The following PEX5L variants were observed in gnomAD, a reference collection of about 807,000 sequenced individuals.
The protein encoded by PEX5L is PEX5-related protein.
PEX5L carries 30 observed loss-of-function variants against 84.0 expected under a neutral mutation model. The observed-to-expected ratio is 0.36, with a 90% confidence interval of 0.27 to 0.48. The LOEUF is 0.48. Among genes scored for constraint, PEX5L ranks in the 20% least tolerant of loss-of-function variants. The pLI is 0.99. For synonymous variants in PEX5L, 270 were observed against 283.1 expected (o/e 0.95, Z 0.46); for missense variants, 533 against 754.6 (o/e 0.71, Z 3.44).
chr3:179,821,371 C>G (rs1049093940), intron 8 of PEX5L, among the ~76,000 whole-genome samples: 6 of 152,222 alleles, frequency 3.9e-5, no homozygotes, highest in Non-Finnish European at 8.8e-5. Context: ...TACCATCACA[C>G]TGACTTGAGG....
chr3:180,009,765 T>C (rs2110461461), intron 1 of PEX5L, among the ~76,000 whole-genome samples: 1 of 152,156 alleles, frequency 6.6e-6, no homozygotes, highest in South Asian at 2.1e-4. Flanking sequence ...TAGTTGTTTT[T>C]TTCCTCTGTC....
intron 8 of PEX5L, among the ~76,000 whole-genome samples, chr3:179,832,323 C>T (rs561952094): frequency 6.6e-6 from 1 of 152,128 alleles, no homozygotes; most frequent in Non-Finnish European, 1.5e-5. Context: ...TGCCAACAAA[C>T]CTTCCTGCTT....
At chr3:180,021,982 T>A (rs937277479) in intron 1 of PEX5L, among the ~76,000 whole-genome samples, 5 of 152,286 alleles carry the variant, frequency 3.3e-5, no homozygotes, top group African/African-American at 1.2e-4. Context: ...ATGGGAGTAA[T>A]GCTTCCTTGA....
At chr3:180,007,819 G>A (rs1189843595) in intron 1 of PEX5L, among the ~76,000 whole-genome samples, 2 of 152,194 alleles carry the variant, frequency 1.3e-5, no homozygotes, top group Non-Finnish European at 2.9e-5. Context: ...TGGGACACAG[G>A]CACCAAGTCC....
intron 7 of PEX5L, among the ~76,000 whole-genome samples, chr3:179,874,015 A>G (rs1751260384): frequency 6.6e-6 from 1 of 152,196 alleles, no homozygotes; most frequent in East Asian, 1.9e-4. Context: ...TGCTAATAAT[A>G]GAGTAGAACA....
intron 7 of PEX5L, among the ~76,000 whole-genome samples, chr3:179,863,013 G>A (rs960795594): frequency 8.5e-5 from 13 of 152,160 alleles, no homozygotes; most frequent in African/African-American, 3.1e-4. Flanking sequence ...GAACAGAATA[G>A]AGAGCCCAGA....
intron 1 of PEX5L, among the ~76,000 whole-genome samples, chr3:179,990,754 T>C (rs537655424): frequency 6.6e-5 from 10 of 152,268 alleles, no homozygotes; most frequent in Non-Finnish European, 1.2e-4. Flanking sequence ...CCTTGAGTGC[T>C]TACCTTGTCC....
chr3:179,982,124 G>A (rs954733271), intron 1 of PEX5L, among the ~76,000 whole-genome samples: 2 of 152,140 alleles, frequency 1.3e-5, no homozygotes, highest in African/African-American at 2.4e-5. Context: ...CTTATAATGG[G>A]GAAAGATTGG....
chr3:179,978,526 A>G (rs1371817216), intron 1 of PEX5L, among the ~76,000 whole-genome samples: 7 of 152,182 alleles, frequency 4.6e-5, no homozygotes, highest in Non-Finnish European at 1.0e-4. Context: ...AACTTTTATT[A>G]TACTTGCTTT....
At chr3:179,989,116 C>A (rs1344080439) in intron 1 of PEX5L, among the ~76,000 whole-genome samples, 3 of 152,150 alleles carry the variant, frequency 2.0e-5, no homozygotes, top group South Asian at 4.1e-4. Flanking sequence ...AGGGATAATT[C>A]TGAGGCCATG....
chr3:179,917,380 T>G (rs1767585822), intron 2 of PEX5L, among the ~76,000 whole-genome samples: 1 of 152,080 alleles, frequency 6.6e-6, no homozygotes, highest in Non-Finnish European at 1.5e-5. Flanking sequence ...TCTAAAATAA[T>G]GATAAAATGT....
At chr3:179,971,765 CCAGT>C (rs1467076704) in intron 1 of PEX5L, 100 bp from the exon 2 acceptor site, 17 of 1,194,024 alleles carry the variant, frequency 1.4e-5, no homozygotes, top group Non-Finnish European at 1.8e-5. Flanking sequence ...GCCTTGTTCA[CCAGT>C]CATAATGCAT....
chr3:179,951,481 A>G (rs988596976), intron 2 of PEX5L, among the ~76,000 whole-genome samples: 5 of 152,288 alleles, frequency 3.3e-5, no homozygotes, highest in Admixed American at 1.3e-4. Flanking sequence ...AAAGAAAAAA[A>G]GGAAAAGTAG....
chr3:179,956,284 T>C (rs560048888), intron 2 of PEX5L, among the ~76,000 whole-genome samples: 1 of 152,300 alleles, frequency 6.6e-6, no homozygotes, highest in East Asian at 1.9e-4. Flanking sequence ...CCTTTGGTTC[T>C]TTATCAGTTT....
chr3:179,893,898 A>G (rs563986869), intron 3 of PEX5L, among the ~76,000 whole-genome samples: 1 of 152,160 alleles, frequency 6.6e-6, no homozygotes, highest in Non-Finnish European at 1.5e-5. Flanking sequence ...AAACACAAAT[A>G]TCTTTGTGAG....
intron 2 of PEX5L, among the ~76,000 whole-genome samples, chr3:179,916,073 T>A (rs957056459): frequency 2.6e-5 from 4 of 152,190 alleles, no homozygotes; most frequent in African/African-American, 9.7e-5. Flanking sequence ...GTAGTAGTAA[T>A]AATAATCACT....
Position 179,875,430 on chromosome 3 carries a change from C to T in PEX5L, c.553G>A (p.Asp185Asn), listed in dbSNP as rs762044188. ...EKWDDVKFHG[D>N]RNTKGHPMAE... is the part of the protein sequence containing the mutation. The stretch of plus-strand genomic sequence containing the variant: ...ATTGGATGTCCCTTGGTATTTCGAT[C>T]TCCATGAAACTTAACATCGTCCCAT... The change falls in exon 6 of 15, where the codon GAT becomes AAT. Residue 185 changes from aspartate to asparagine, a missense_variant. Around this residue, in one of 8 missense-constraint regions of PEX5L, gnomAD observed 259 missense variants for 301.7 expected, o/e 0.86. Transcript: ENST00000467460. The T allele has an allele frequency of 2.5e-6, 4 of 1,613,498 alleles. No individual in the cohort carries two copies. Among genetic ancestry groups the T allele is most frequent in the Non-Finnish European group, 3.4e-6 (4 of 1,179,568 alleles).
chr3:179,909,873 C>T (rs1174367949), intron 2 of PEX5L, among the ~76,000 whole-genome samples: 1 of 152,136 alleles, frequency 6.6e-6, no homozygotes, highest in African/African-American at 2.4e-5. Context: ...TCTGAAGAAA[C>T]CAACCCTGCC....
chr3:179,945,590 G>A (rs1777294930), intron 2 of PEX5L, among the ~76,000 whole-genome samples: 2 of 152,158 alleles, frequency 1.3e-5, no homozygotes, highest in South Asian at 4.1e-4. Flanking sequence ...TTTTGTATCT[G>A]AACAGTTCCC....
Sources: allele counts gnomAD v4.1 joint callset (sites outside exome capture counted in the v4.1 genomes callset), GRCh38; gene constraint gnomAD v4.1.1; regional missense constraint gnomAD v4.1.1; transcripts MANE v1.5; gene names NCBI Gene and HGNC (gene_info 2026-07-23, HGNC 2026-07-21).